Variants in HIPK3 observed in about 807,000 individuals in gnomAD.
HIPK3 encodes homeodomain interacting protein kinase 3, also known as homeodomain-interacting protein kinase 3.
Under a neutral mutation model 124.2 loss-of-function variants are expected in HIPK3, and 47 were observed. The observed-to-expected ratio is 0.38, with a 90% CI of 0.30 to 0.48. The LOEUF (loss-of-function observed/expected upper bound fraction) is 0.48, where lower values mean the gene tolerates loss of function less well. Ranked by LOEUF, HIPK3 falls within the 20% of genes least tolerant of loss-of-function variation. The probability of loss-of-function intolerance (pLI) is 0.98; values close to 1 mark genes in which losing one functional copy is unlikely to be tolerated. For missense variants in HIPK3, 1,286 were observed against 1,454.3 expected (o/e 0.88, Z 1.88); for synonymous variants, 482 against 515.2 (o/e 0.94, Z 0.87).
At chr11:33,353,018 A>G (rs554441913) in intron 16 of HIPK3, 74 bp from the exon 17 acceptor site, 122 of 900,532 alleles carry the variant, frequency 1.4e-4, no homozygotes, top group Non-Finnish European at 2.0e-4. Context: ...GTATATTGTA[A>G]TTTCCCTTTC....
At position 33,349,212 on chromosome 11, in the gene HIPK3, TAAG is replaced by T; in HGVS notation, c.2733_2735del (p.Leu911_Ser912delinsPhe). 6.2e-7 allele frequency: 1 copy of T among 1,613,720 alleles called. No individual in the cohort carries two copies. The highest frequency in any genetic ancestry group is 8.5e-7 in the Non-Finnish European group (1 of 1,179,604). ...TTGAATATTGATCGGATGTGTTCAT[TAAG>T]TAGTCCTGATAGTACTCTGAGTACC... On this transcript the variant is annotated inframe_deletion, in exon 14 of 17. Transcript: ENST00000303296.
rs1853750151 is a variant in HIPK3 at position 33,354,029 on chromosome 11, C to G, written c.*461C>G. On this transcript the variant is annotated 3_prime_UTR_variant, in exon 17 of 17. Coordinates refer to ENST00000303296, the MANE Select transcript of HIPK3 (RefSeq NM_005734.5). ...TATTGTTCTTTACATTTGCATGTGT[C>G]TTTTGCATGGGCAAAATGTTGCCTA... 6.0e-6 allele frequency: 1 copy of G among 166,858 alleles called. No individual in the cohort carries two copies. Among genetic ancestry groups the G allele is most frequent in the African/African-American group, 2.4e-5 (1 of 41,554 alleles). The allele number at this position is 166,858 out of a possible 1,614,324, so 10.3% of individuals were successfully genotyped here.
At chr11:33,342,118 A>AAAT (rs1394976710) in intron 8 of HIPK3, among the ~76,000 whole-genome samples, 1 of 151,700 alleles carries the variant, frequency 6.6e-6, no homozygotes, top group African/African-American at 2.4e-5. Context: ...AAAAAAAAAA[A>AAAT]AAAAAAAAAT....
At chr11:33,263,316 A>C (rs1020870527) in intron 1 of HIPK3, among the ~76,000 whole-genome samples, 1 of 152,076 alleles carries the variant, frequency 6.6e-6, no homozygotes, top group Non-Finnish European at 1.5e-5. Flanking sequence ...AATCTGCTTT[A>C]ATTAATTAAT....
intron 2 of HIPK3, among the ~76,000 whole-genome samples, chr11:33,315,203 T>C (rs1852463956): frequency 6.6e-6 from 1 of 152,194 alleles, no homozygotes; most frequent in Admixed American, 6.5e-5. Flanking sequence ...TGATATATGT[T>C]AGTAATGTTC....
chr11:33,277,038 A>G (rs186238658), intron 1 of HIPK3, among the ~76,000 whole-genome samples: 3 of 152,350 alleles, frequency 2.0e-5, no homozygotes, highest in African/African-American at 7.2e-5. Context: ...AACAATTACT[A>G]AAATAGGTTA....
In HIPK3 at chr11:33,353,171, G is replaced by T; in HGVS notation, c.3251G>T (p.Ser1084Ile). Residue 1084 changes from serine to isoleucine, a missense_variant, in exon 17 of 17, where the codon AGT (serine) becomes ATT (isoleucine). By Grantham distance (142) the Ser-to-Ile change is moderately radical. This residue lies in a region of HIPK3 where 810 missense variants were observed against 864.9 expected (regional missense o/e 0.94). Transcript: ENST00000303296. The part of the protein sequence containing the change: ...HRRQQAYIPT[S>I]VTSNPFTLSH... ...AGACAGCAAGCTTATATTCCTACTAGTGTTACCAGTAATCCATTCACTCTT... is the reference window on the plus strand; with the variant it reads ...AGACAGCAAGCTTATATTCCTACTATTGTTACCAGTAATCCATTCACTCTT... The T allele has an allele frequency of 6.2e-7, 1 of 1,613,768 alleles. No homozygotes were observed.
Position 33,286,718 on chromosome 11 carries a change from G to A in HIPK3, c.304G>A (p.Ala102Thr). ...TKVIAAQAQQAHVQAPQIGAW... is the reference protein window; with the variant it reads ...TKVIAAQAQQTHVQAPQIGAW... ...GGTCATAGCAGCTCAGGCACAGCAAGCTCACGTGCAGGCACCTCAGATTGG... is the reference window on the plus strand; with the variant it reads ...GGTCATAGCAGCTCAGGCACAGCAAACTCACGTGCAGGCACCTCAGATTGG... Residue 102 changes from alanine (A) to threonine (T), a missense_variant, in exon 2 of 17, where the codon GCT (alanine) becomes ACT (threonine). Ala to Thr is a moderately conservative substitution (Grantham distance 58, BLOSUM62 0). This residue lies in a region of HIPK3 where 225 missense variants were observed against 240.3 expected (regional missense o/e 0.94). Coordinates refer to ENST00000303296, the MANE Select transcript of HIPK3 (RefSeq NM_005734.5). 1 of 1,614,108 alleles carries A rather than the reference G, an allele frequency of 6.2e-7. No individual in the cohort carries two copies. The highest frequency in any genetic ancestry group is 8.5e-7 in the Non-Finnish European group (1 of 1,180,014).
chr11:33,303,326 A>G (rs1025943829), intron 2 of HIPK3, among the ~76,000 whole-genome samples: 2 of 152,228 alleles, frequency 1.3e-5, no homozygotes, highest in Admixed American at 6.5e-5. Flanking sequence ...TTACAAGGAA[A>G]AAAAGTCTGT....
rs934546787 is a variant in HIPK3, at chr11:33,258,795, C to T, written c.-3+906C>T. 2.9e-5 allele frequency: 26 copies of T among 887,146 alleles called. No homozygotes were observed. In the African/African-American group the frequency reaches 4.4e-4, roughly 15 times the overall value. 55.0% of individuals were successfully genotyped at this position (887,146 alleles called of 1,614,324 possible). A position where few individuals can be genotyped will look rare whatever the true frequency, so the allele number is the denominator to read the frequency against. ...TACCTTGGACTTGTTACAGAGTAGT[C>T]GTAACACGTTCAGGCCTTGAACCGT... is the stretch of plus-strand genomic sequence containing the variant. On this transcript the variant is annotated intron_variant, in intron 1 of 16. Coordinates refer to ENST00000303296, the MANE Select transcript of HIPK3 (RefSeq NM_005734.5).
chr11:33,323,372 T>A (rs1181430834), intron 2 of HIPK3, among the ~76,000 whole-genome samples: 1 of 152,184 alleles, frequency 6.6e-6, no homozygotes, highest in Non-Finnish European at 1.5e-5. Flanking sequence ...GCCTCCCAAG[T>A]AGCCGGGATT....
chr11:33,353,101 T>G lies in HIPK3; in HGVS notation c.3181T>G (p.Phe1061Val), dbSNP rs775312482. The change falls in exon 17 of 17, where the codon TTT (phenylalanine) becomes GTT (valine). Residue 1061 changes from phenylalanine (F) to valine (V), a missense_variant. By Grantham distance (50) the Phe-to-Val change is conservative. This residue lies in a region of HIPK3 where 810 missense variants were observed against 864.9 expected (regional missense o/e 0.94). Transcript: ENST00000303296. ...QHLNFSQVQH[F>V]GSGHQEWNGN... ...TTTTCTTTGTGGATAGGTTCAGCAC[T>G]TTGGATCTGGGCATCAAGAGTGGAA... 1.2e-6 allele frequency: 2 copies of G among 1,608,004 alleles called. No individual in the cohort carries two copies. The highest frequency in any genetic ancestry group is 2.2e-5 in the South Asian group (2 of 90,534).
intron 1 of HIPK3, chr11:33,258,498 T>C: frequency 1.0e-6 from 1 of 985,218 alleles, no homozygotes; most frequent in Non-Finnish European, 1.2e-6. Flanking sequence ...GGAGGAGAAA[T>C]GTGATCCGCG....
At chr11:33,319,427 C>T (rs1250101721) in intron 2 of HIPK3, among the ~76,000 whole-genome samples, 3 of 149,910 alleles carry the variant, frequency 2.0e-5, no homozygotes, top group Non-Finnish European at 3.0e-5. Flanking sequence ...ACCCAGGAGG[C>T]GGAGGTTGCA....
intron 2 of HIPK3, among the ~76,000 whole-genome samples, chr11:33,302,650 T>C (rs1852039581): frequency 6.6e-6 from 1 of 152,192 alleles, no homozygotes; most frequent in South Asian, 2.1e-4. Flanking sequence ...TTTGTTGTTA[T>C]ATAATGGTAA....
chr11:33,343,135 T>G (rs944575754), intron 8 of HIPK3, among the ~76,000 whole-genome samples: 1 of 152,200 alleles, frequency 6.6e-6, no homozygotes, highest in Non-Finnish European at 1.5e-5. Flanking sequence ...TGTATCATTG[T>G]AGGCTAGCCT....
intron 8 of HIPK3, among the ~76,000 whole-genome samples, chr11:33,342,613 G>A (rs577597136): frequency 4.0e-5 from 6 of 149,146 alleles, no homozygotes; most frequent in Admixed American, 1.3e-4. Context: ...GCACTATCTC[G>A]GCGCACTGCA....
In HIPK3 at chr11:33,286,444, A is replaced by T; in HGVS notation, c.30A>T (p.Pro10=). The part of the protein sequence containing the change: MASQVLVYP[P]YVYQTQSSAF... ...CCTCACAAGTCTTGGTCTACCCACC[A>T]TATGTTTATCAAACTCAGTCAAGTG... The change falls in exon 2 of 17, where the codon CCA becomes CCT. Residue 10 remains proline (P), a synonymous_variant. Coordinates refer to ENST00000303296, the MANE Select transcript of HIPK3 (RefSeq NM_005734.5). 6.3e-7 allele frequency: 1 copy of T among 1,590,414 alleles called. No individual in the cohort carries two copies. Among genetic ancestry groups the T allele is most frequent in the Non-Finnish European group, 8.5e-7 (1 of 1,173,998 alleles).
At chr11:33,348,489 T>G in intron 12 of HIPK3, 33 bp from the exon 13 acceptor site, 2 of 1,510,104 alleles carry the variant, frequency 1.3e-6, no homozygotes, top group Non-Finnish European at 1.8e-6. Flanking sequence ...ATATTTTGAT[T>G]ATAGAAATTA....
Sources: gnomAD v4.1 joint callset for allele counts (sites outside exome capture counted in the v4.1 genomes callset) on GRCh38, gnomAD v4.1.1 for gene constraint, gnomAD v4.1.1 regional missense constraint, MANE v1.5 for transcripts, NCBI Gene and HGNC (gene_info 2026-07-23, HGNC 2026-07-21) for gene names.